The following CEP112 variants were observed in gnomAD, a reference collection of about 807,000 sequenced individuals.
The protein encoded by CEP112 is centrosomal protein 112, also known as centrosomal protein of 112 kDa.
CEP112 carries 127 observed loss-of-function variants against 153.0 expected under a neutral mutation model. The ratio of observed to expected loss-of-function variants is 0.83; its 90% CI spans 0.72 to 0.96. CEP112 has a LOEUF of 0.96. Ranked by LOEUF, CEP112 falls within the 40% of genes least tolerant of loss-of-function variation. The pLI is 0.00. For missense variants in CEP112, 1,089 were observed against 1,101.2 expected, an observed-to-expected ratio of 0.99 and a Z score of 0.16; for synonymous variants, 358 against 374.4, an observed-to-expected ratio of 0.96 and a Z score of 0.51.
At chr17:66,005,841 T>C in intron 16 of CEP112, 72 bp from the exon 17 acceptor site, 1 of 1,247,246 alleles carries the variant, frequency 8.0e-7, no homozygotes. Context: ...ATACAAACAA[T>C]GAAACAGTGA....
intron 19 of CEP112, among the ~76,000 whole-genome samples, chr17:65,907,097 T>A (rs533279761): frequency 2.6e-5 from 4 of 152,290 alleles, no homozygotes; most frequent in African/African-American, 9.6e-5. Context: ...AAATGAGCTA[T>A]AATTGGGGCA....
rs186891137 is a variant in CEP112, at chr17:65,994,337, G to C, written c.1736+11353C>G. ...AAACATCATTTGGCTTCTTTTTGTT[G>C]TTGTTATTGAGACAGGGTCTTGCTC... On this transcript the variant is annotated intron_variant, in intron 17 of 26. Coordinates refer to ENST00000535342, the MANE Select transcript of CEP112 (RefSeq NM_001199165.4). Among the ~76,000 whole-genome samples, 101 of 152,192 alleles carry C rather than the reference G, an allele frequency of 6.6e-4. 1 individual carries two copies. Among genetic ancestry groups the C allele is most frequent in the Admixed American group, 2.0e-3 (30 of 15,282 alleles).
At chr17:65,886,179 A>G (rs2059269495) in intron 20 of CEP112, among the ~76,000 whole-genome samples, 1 of 152,130 alleles carries the variant, frequency 6.6e-6, no homozygotes, top group Admixed American at 6.5e-5. Flanking sequence ...TAAACCAACC[A>G]TGTTCCTAAC....
chr17:65,898,540 C>T (rs2059735105), intron 20 of CEP112, among the ~76,000 whole-genome samples: 1 of 152,034 alleles, frequency 6.6e-6, no homozygotes, highest in Admixed American at 6.6e-5. Flanking sequence ...ATGGCAAAAT[C>T]AAGATAATCT....
intron 11 of CEP112, among the ~76,000 whole-genome samples, chr17:66,058,287 G>A (rs1338210410): frequency 6.6e-6 from 1 of 152,034 alleles, no homozygotes; most frequent in Non-Finnish European, 1.5e-5. Context: ...ACAAAGGAAA[G>A]CAGGGGACTT....
At chr17:66,168,783 T>C (rs975846880) in intron 4 of CEP112, among the ~76,000 whole-genome samples, 24 of 152,270 alleles carry the variant, frequency 1.6e-4, no homozygotes, top group African/African-American at 4.8e-4. Context: ...TTGGAAATTA[T>C]ATTACAAACC....
intron 23 of CEP112, among the ~76,000 whole-genome samples, chr17:65,706,870 G>A (rs1033805482): frequency 2.6e-5 from 4 of 152,056 alleles, no homozygotes; most frequent in Non-Finnish European, 2.9e-5. Flanking sequence ...GCAATATTCC[G>A]CATCATCTTC....
At chr17:66,149,934 T>C (rs2071120340) in intron 4 of CEP112, among the ~76,000 whole-genome samples, 1 of 124,622 alleles carries the variant, frequency 8.0e-6, no homozygotes. Flanking sequence ...CTCTGTCTCC[T>C]AGGCTGGAGT....
intron 4 of CEP112, among the ~76,000 whole-genome samples, chr17:66,144,550 G>A (rs55657678): frequency 0.058 from 8,820 of 152,056 alleles, 270 homozygotes; most frequent in East Asian, 0.072. Context: ...AAATTTAGCC[G>A]GGTATGGTGC....
At chr17:66,175,272 T>A in intron 3 of CEP112, 56 bp from the exon 4 acceptor site, 1 of 1,246,932 alleles carries the variant, frequency 8.0e-7, no homozygotes. Context: ...AATAAACCAC[T>A]AAAATTTCCA....
chr17:66,174,471 A>G (rs1169990054), intron 4 of CEP112, among the ~76,000 whole-genome samples: 2 of 152,212 alleles, frequency 1.3e-5, no homozygotes, highest in African/African-American at 4.8e-5. Context: ...ACACTGTCCT[A>G]TATTTTACTA....
chr17:65,639,836 C>CTTTTTTTTTTTTT (rs554226605), intron 25 of CEP112, among the ~76,000 whole-genome samples: 2 of 110,966 alleles, frequency 1.8e-5, no homozygotes, highest in African/African-American at 3.5e-5. Flanking sequence ...CTCTTTCTTT[C>CTTTTTTTTTTTTT]TTTTTTTTTT....
intron 18 of CEP112, among the ~76,000 whole-genome samples, chr17:65,950,727 T>TAGC (rs1169623768): frequency 1.3e-5 from 2 of 151,704 alleles, no homozygotes; most frequent in East Asian, 3.9e-4. Context: ...GTAGTAGTAG[T>TAGC]AGTAGTAGTA....
At chr17:65,826,053 C>T (rs2056823952) in intron 21 of CEP112, 1 of 1,348,340 alleles carries the variant, frequency 7.4e-7, no homozygotes, top group Admixed American at 1.8e-5. Flanking sequence ...AGATGAATTA[C>T]CAATGCCTAA....
intron 18 of CEP112, among the ~76,000 whole-genome samples, chr17:65,958,142 A>T (rs1476100806): frequency 1.3e-5 from 2 of 152,054 alleles, no homozygotes; most frequent in Non-Finnish European, 2.9e-5. Context: ...ATCCTTTCAT[A>T]TGATGGTTTC....
intron 24 of CEP112, among the ~76,000 whole-genome samples, chr17:65,685,784 T>C (rs2047756207): frequency 6.7e-6 from 1 of 149,784 alleles, no homozygotes; most frequent in South Asian, 2.1e-4. Flanking sequence ...GCGATTCTCC[T>C]GCCTCAGCCT....
At chr17:66,128,621 T>C (rs531007923) in intron 6 of CEP112, among the ~76,000 whole-genome samples, 2 of 152,284 alleles carry the variant, frequency 1.3e-5, no homozygotes, top group African/African-American at 4.8e-5. Flanking sequence ...GTACCAAAGA[T>C]GTAATGTAAG....
At chr17:66,112,027 A>G (rs1246810641) in intron 6 of CEP112, among the ~76,000 whole-genome samples, 1 of 152,208 alleles carries the variant, frequency 6.6e-6, no homozygotes, top group Non-Finnish European at 1.5e-5. Context: ...GCGGTGGCTC[A>G]CACCTGTAAT....
intron 12 of CEP112, among the ~76,000 whole-genome samples, chr17:66,036,694 GC>G (rs903470829): frequency 6.6e-5 from 10 of 152,068 alleles, no homozygotes; most frequent in African/African-American, 2.4e-4. Flanking sequence ...CTGGTAAGCA[GC>G]AAAAAAGAAT....
Sources: allele counts gnomAD v4.1 joint callset (sites outside exome capture counted in the v4.1 genomes callset), GRCh38; gene constraint gnomAD v4.1.1; transcripts MANE v1.5; gene names NCBI Gene and HGNC (gene_info 2026-07-23, HGNC 2026-07-21).